Variants in ZSCAN29 observed in about 807,000 individuals in gnomAD.
ZSCAN29 encodes zinc finger and SCAN domain-containing protein 29.
Under a neutral mutation model 71.9 loss-of-function variants are expected in ZSCAN29, and 55 were observed. The observed-to-expected ratio is 0.76, with a 90% confidence interval of 0.62 to 0.96. The LOEUF is 0.96. Among genes scored for constraint, ZSCAN29 ranks in the 40% least tolerant of loss-of-function variants. The pLI, the probability that ZSCAN29 is intolerant of heterozygous loss-of-function variation, is 0.00. For synonymous variants in ZSCAN29, 351 were observed against 371.6 expected (o/e 0.94, Z 0.64); for missense variants, 1,042 against 1,042.2 (o/e 1.00, Z 0.00).
At position 43,364,402 on chromosome 15, in the gene ZSCAN29, T is replaced by G. The variant is rs2044015528; in HGVS notation, c.1223-20A>C. ...GTACACCTGCCACCAGAAGAGAAAT[T>G]TCAGCACCACTTAATCCAGAGCTTT... On this transcript the variant is annotated intron_variant, in intron 4 of 5. Coordinates refer to ENST00000684362, the MANE Select transcript of ZSCAN29 (RefSeq NM_001372080.1). 2.5e-6 allele frequency: 4 copies of G among 1,606,204 alleles called. No homozygotes were observed. In the South Asian group the frequency reaches 3.3e-5, roughly 13 times the overall value.
chr15:43,364,696 G>A (rs2142730298), intron 4 of ZSCAN29, among the ~76,000 whole-genome samples: 1 of 152,062 alleles, frequency 6.6e-6, no homozygotes, highest in Non-Finnish European at 1.5e-5. Flanking sequence ...GACCAGCCTG[G>A]ACAACATGGT....
chr15:43,361,967 T>C, intron 5 of ZSCAN29, 26 bp from the exon 6 acceptor site: 1 of 1,578,334 alleles, frequency 6.3e-7, no homozygotes, highest in East Asian at 2.2e-5. Context: ...ATTTTAGAAG[T>C]TATCTATTTT....
chr15:43,369,993 TC>T lies in ZSCAN29; in HGVS notation c.-81del. 1 of 1,392,616 alleles carries T rather than the reference TC, an allele frequency of 7.2e-7. No homozygotes were observed. The highest frequency in any genetic ancestry group is 1.4e-5 in the South Asian group (1 of 73,070). The allele number at this position is 1,392,616 out of a possible 1,614,324, so 86.3% of individuals were successfully genotyped here. On this transcript the variant is annotated 5_prime_UTR_variant, in exon 2 of 6. An upstream open reading frame in the 5' UTR gains an earlier in-frame stop. Transcript: ENST00000684362. ...TCTATCTTCCCATGTCCTTGGAGAATCCCCTGCAGATGACTGTAAGAGGTGT... is the reference window on the plus strand; with the variant it reads ...TCTATCTTCCCATGTCCTTGGAGAATCCCTGCAGATGACTGTAAGAGGTGT...
rs1244346801 is a variant in ZSCAN29 at position 43,361,422 on chromosome 15, C to A, written c.2210G>T (p.Gly737Val). 6.2e-7 allele frequency: 1 copy of A among 1,613,680 alleles called. No homozygotes were observed. The highest frequency in any genetic ancestry group is 8.5e-7 in the Non-Finnish European group (1 of 1,179,888). Residue 737 changes from glycine to valine, a missense_variant, in exon 6 of 6, where the codon GGT becomes GTT. By Grantham distance (109) the Gly-to-Val change is moderately radical (BLOSUM62 -3). Coordinates refer to ENST00000684362, the MANE Select transcript of ZSCAN29 (RefSeq NM_001372080.1). ...CTGATTGAAGCATTTCCCACACTCA[C>A]CACATTGATAAGGTTTCTCTCCTGT... The part of the protein sequence containing the change: ...IHTGEKPYQC[G>V]ECGKCFNQSS...
In ZSCAN29 at chr15:43,364,116, G is replaced by A. The variant is rs778664376; in HGVS notation, c.1489C>T (p.Arg497Trp). 1.4e-5 allele frequency: 23 copies of A among 1,614,008 alleles called. No individual in the cohort carries two copies. The African/African-American group carries it at 1.9e-4, about 13-fold the overall frequency. ...CCATCATTGGGTGGGGCAGCAACCC[G>A]GACACTCACCAAAGCATCCATCTCT... ...FEEMDALVSV[R>W]VAAPPNDGQE... The change falls in exon 5 of 6, where the codon CGG becomes TGG. Residue 497 changes from arginine (R) to tryptophan (W), a missense_variant. Physicochemically the swap from Arg to Trp is moderately radical, Grantham distance 101. Transcript: ENST00000684362.
chr15:43,362,140 A>G (rs2043988855), intron 5 of ZSCAN29, among the ~76,000 whole-genome samples, 199 bp from the exon 6 acceptor site: 1 of 152,226 alleles, frequency 6.6e-6, no homozygotes, highest in African/African-American at 2.4e-5. Context: ...CTTCTCATCT[A>G]CATAGGGTCT....
rs201276901 is a variant in ZSCAN29 at position 43,369,759 on chromosome 15, C to T, written c.155G>A (p.Arg52His). ...CAGTTCTACAATCTGCTCCTTGGTG[C>T]GCACCTCCGGCCTTAGCCACCGACA... ...LCCRWLRPEV[R>H]TKEQIVELLV... The change falls in exon 2 of 6, where the codon CGC becomes CAC. Residue 52 changes from arginine (R) to histidine (H), a missense_variant. Arg to His is a conservative substitution (Grantham distance 29, BLOSUM62 0). Transcript: ENST00000684362. 333 of 1,614,236 alleles carry T rather than the reference C, an allele frequency of 2.1e-4. 2 individuals carry two copies. In the South Asian group the frequency reaches 3.4e-3, roughly 17 times the overall value.
rs1033897438 is a variant in ZSCAN29 at position 43,359,172 on chromosome 15, A to T, written c.*1901T>A. On this transcript the variant is annotated 3_prime_UTR_variant, in exon 6 of 6. Coordinates refer to ENST00000684362, the MANE Select transcript of ZSCAN29 (RefSeq NM_001372080.1). Reference sequence around the variant, plus strand: ...AAGCCTTCCTGAATAAAGAGAAAAAATACCTCCCAGATTTTTGTTAAAGCA... The same window carrying T: ...AAGCCTTCCTGAATAAAGAGAAAAATTACCTCCCAGATTTTTGTTAAAGCA... 1 of 152,212 alleles carries T rather than the reference A, an allele frequency of 6.6e-6. No individual in the cohort carries two copies. The highest frequency in any genetic ancestry group is 1.5e-5 in the Non-Finnish European group (1 of 68,044). The allele number at this position is 152,212 out of a possible 1,614,324, so 9.4% of individuals were successfully genotyped here. A position where few individuals can be genotyped will look rare whatever the true frequency, so the allele number is the denominator to read the frequency against.
intron 5 of ZSCAN29, among the ~76,000 whole-genome samples, chr15:43,362,655 T>C (rs1303132330): frequency 1.3e-5 from 2 of 152,198 alleles, no homozygotes; most frequent in East Asian, 3.8e-4. Context: ...TGAGACAGTA[T>C]TTCTACCCAG....
chr15:43,366,742 A>C lies in ZSCAN29; in HGVS notation c.590T>G (p.Leu197Arg), dbSNP rs2044044228. The change falls in exon 4 of 6, where the codon CTG (leucine) becomes CGG (arginine). Residue 197 changes from leucine (L) to arginine (R), a missense_variant. Coordinates refer to ENST00000684362, the MANE Select transcript of ZSCAN29 (RefSeq NM_001372080.1). Reference protein sequence around the residue: ...LEQGEPWIPDLLGSKEKELPS... With the variant: ...LEQGEPWIPDRLGSKEKELPS... ...AAGTTCTTTCTCCTTAGAGCCCAGC[A>C]GATCTGGGATCCATGGCTCTCCTTG... The C allele has an allele frequency of 6.2e-7, 1 of 1,614,242 alleles. No homozygotes were observed. Among genetic ancestry groups the C allele is most frequent in the Non-Finnish European group, 8.5e-7 (1 of 1,180,052 alleles).
In ZSCAN29 at chr15:43,363,945, G is replaced by C. The variant is rs2044008525; in HGVS notation, c.1660C>G (p.Arg554Gly). The C allele has an allele frequency of 6.2e-7, 1 of 1,607,926 alleles. No homozygotes were observed. Among genetic ancestry groups the C allele is most frequent in the Non-Finnish European group, 8.5e-7 (1 of 1,175,450 alleles). ...GGGCTTTGGAATAACACTGGAGCAC[G>C]GGTTATGACAGCCCCTGGGGGTATC... ...TEIPPGAVIT[R>G]APVLFQSPRG... The change falls in exon 5 of 6, where the codon CGT (arginine) becomes GGT (glycine). Residue 554 changes from arginine (R) to glycine (G), a missense_variant. Transcript: ENST00000684362.
chr15:43,368,525 C>CAAAAAAAA (rs759913932), intron 3 of ZSCAN29, among the ~76,000 whole-genome samples: 1 of 10,226 alleles, frequency 9.8e-5, no homozygotes, highest in Non-Finnish European at 1.2e-4. Context: ...GACTCCGTCT[C>CAAAAAAAA]AAAAAAAAAA....
Position 43,364,196 on chromosome 15 carries a change from G to A in ZSCAN29, c.1409C>T (p.Thr470Ile), listed in dbSNP as rs770086195. The A allele has an allele frequency of 6.2e-7, 1 of 1,614,220 alleles. No individual in the cohort carries two copies. Among genetic ancestry groups the A allele is most frequent in the Non-Finnish European group, 8.5e-7 (1 of 1,180,046 alleles). The change falls in exon 5 of 6, where the codon ACC (threonine) becomes ATC (isoleucine). Residue 470 changes from threonine (T) to isoleucine (I), a missense_variant. By Grantham distance (89) the Thr-to-Ile change is moderately conservative (BLOSUM62 -1). Coordinates refer to ENST00000684362, the MANE Select transcript of ZSCAN29 (RefSeq NM_001372080.1). ...GCCATTCTTAACTTTCCGATAGCTG[G>A]TTTGCAGGCTTTTAAACTTGGTCCG... The part of the protein sequence containing the change: ...QCRTKFKSLQ[T>I]SYRKVKNGQA...
chr15:43,364,258 T>C lies in ZSCAN29; in HGVS notation c.1347A>G (p.Leu449=). The part of the protein sequence containing the change: ...SQLYGAVAER[L]WEYGFLRTPE... ...GGGTCCTAAGAAAGCCATATTCCCA[T>C]AACCTCTCAGCCACTGCTCCATACA... Residue 449 remains leucine (L), a synonymous_variant, in exon 5 of 6, where the codon TTA becomes TTG. Transcript: ENST00000684362. The C allele has an allele frequency of 1.2e-6, 2 of 1,614,198 alleles. No homozygotes were observed. The highest frequency in any genetic ancestry group is 2.2e-5 in the South Asian group (2 of 91,088).
intron 4 of ZSCAN29, 96 bp from the exon 5 acceptor site, chr15:43,364,478 G>A: frequency 1.8e-6 from 2 of 1,129,676 alleles, no homozygotes; most frequent in Non-Finnish European, 2.6e-6. Flanking sequence ...ATTCACCTAA[G>A]CTCAGGCTCC....
chr15:43,366,661 TTGGA>T lies in ZSCAN29; in HGVS notation c.667_670del (p.Ser223ArgfsTer107). The T allele has an allele frequency of 6.2e-7, 1 of 1,614,232 alleles. No homozygotes were observed. The highest frequency in any genetic ancestry group is 1.6e-4 in the Middle Eastern group (1 of 6,062). ...TTCCACCCAGCTTCTTCTATCTTTCTTGGATGGTAACAGATCAGCATGCACTCGT... is the reference window on the plus strand; with the variant it reads ...TTCCACCCAGCTTCTTCTATCTTTCTTGGTAACAGATCAGCATGCACTCGT... On this transcript the variant is annotated frameshift_variant, in exon 4 of 6. Coordinates refer to ENST00000684362, the MANE Select transcript of ZSCAN29 (RefSeq NM_001372080.1). LOFTEE classifies it high-confidence loss of function.
At chr15:43,369,254 G>T in intron 2 of ZSCAN29, 127 bp from the exon 3 acceptor site, 1 of 934,976 alleles carries the variant, frequency 1.1e-6, no homozygotes, top group Non-Finnish European at 1.5e-6. Flanking sequence ...GGTGAGGGAG[G>T]TTAACGCGAA....
intron 4 of ZSCAN29, among the ~76,000 whole-genome samples, chr15:43,365,382 A>C (rs2044025683): frequency 6.6e-6 from 1 of 152,242 alleles, no homozygotes. Flanking sequence ...AGAATATTTA[A>C]ATAGAGTGTT....
intron 3 of ZSCAN29, among the ~76,000 whole-genome samples, chr15:43,367,018 CAAGAG>C (rs1266470995): frequency 6.6e-5 from 10 of 152,178 alleles, no homozygotes; most frequent in Non-Finnish European, 1.5e-4. Flanking sequence ...AGCAGGGTGA[CAAGAG>C]AGGAAAGGAT....
Sources: allele counts gnomAD v4.1 joint callset (sites outside exome capture counted in the v4.1 genomes callset), GRCh38; gene constraint gnomAD v4.1.1; transcripts MANE v1.5; gene names NCBI Gene and HGNC (gene_info 2026-07-23, HGNC 2026-07-21).